Variants in EPB41L3 observed in about 807,000 individuals in gnomAD.
EPB41L3 encodes the protein erythrocyte membrane protein band 4.1 like 3.
Under a neutral mutation model 127.1 loss-of-function variants are expected in EPB41L3, and 57 were observed. The ratio of observed to expected loss-of-function variants is 0.45; its 90% CI spans 0.36 to 0.56. EPB41L3 has a LOEUF of 0.56. EPB41L3 is among the 20% of genes least tolerant of loss of function. EPB41L3 has a pLI of 0.00. For missense variants in EPB41L3, 1,273 were observed against 1,372.2 expected (o/e 0.93, Z 1.14); for synonymous variants, 572 against 549.5 (o/e 1.04, Z -0.57).
intron 3 of EPB41L3, among the ~76,000 whole-genome samples, chr18:5,458,831 T>A (rs1599214867): frequency 1.3e-5 from 2 of 152,298 alleles, no homozygotes; most frequent in East Asian, 3.9e-4. Flanking sequence ...CGTATTTTGC[T>A]TTGAGGTTAT....
At chr18:5,592,844 G>A (rs961530436) in intron 3 of EPB41L3, among the ~76,000 whole-genome samples, 4 of 152,200 alleles carry the variant, frequency 2.6e-5, no homozygotes, top group Non-Finnish European at 5.9e-5. Flanking sequence ...GACAAGTGCT[G>A]TGTTATATCT....
chr18:5,619,431 T>G (rs1357078501), intron 1 of EPB41L3, among the ~76,000 whole-genome samples: 1 of 152,194 alleles, frequency 6.6e-6, no homozygotes, highest in African/African-American at 2.4e-5. Context: ...AGAAATAATT[T>G]TGTGGGTCAG....
intron 11 of EPB41L3, among the ~76,000 whole-genome samples, chr18:5,422,165 C>G (rs1209456545): frequency 6.6e-6 from 1 of 152,052 alleles, no homozygotes; most frequent in African/African-American, 2.4e-5. Context: ...ACCGCAGAGA[C>G]AGAGGGCAGC....
intron 1 of EPB41L3, among the ~76,000 whole-genome samples, chr18:5,536,613 T>G (rs899157438): frequency 2.0e-5 from 3 of 150,848 alleles, no homozygotes; most frequent in Non-Finnish European, 2.9e-5. Context: ...AGACCAGCCT[T>G]GCCAACGTGG....
chr18:5,616,016 G>A (rs1209766360), intron 1 of EPB41L3, among the ~76,000 whole-genome samples: 1 of 151,974 alleles, frequency 6.6e-6, no homozygotes, highest in Non-Finnish European at 1.5e-5. Context: ...GGTTTCCCTG[G>A]ATTTCTCCAG....
In EPB41L3 at chr18:5,416,209, T is replaced by C; in HGVS notation, c.1676A>G (p.Asp559Gly). Residue 559 changes from aspartate (D) to glycine (G), a missense_variant, in exon 13 of 23, where the codon GAT becomes GGT. By Grantham distance (94) the Asp-to-Gly change is moderately conservative (BLOSUM62 -1). This residue lies in a region of EPB41L3 where 765 missense variants were observed against 782.9 expected (regional missense o/e 0.98). Transcript: ENST00000341928. ...CCCTAGGTAAGGCCTCCCTGGGCCA[T>C]CAGAGTCCAAGGCGGGCTCTCCAGG... Reference protein sequence around the residue: ...HLPGEPALDSDGPGRPYLGDQ... With the variant: ...HLPGEPALDSGGPGRPYLGDQ... 6.2e-7 allele frequency: 1 copy of C among 1,614,132 alleles called. No homozygotes were observed. The highest frequency in any genetic ancestry group is 2.2e-5 in the East Asian group (1 of 44,860).
At chr18:5,556,670 G>A (rs1294903977) in intron 3 of EPB41L3, among the ~76,000 whole-genome samples, 1 of 152,168 alleles carries the variant, frequency 6.6e-6, no homozygotes, top group Non-Finnish European at 1.5e-5. Context: ...GAGACAATGA[G>A]TTTTTCTGTC....
chr18:5,523,760 G>A (rs2093098608), intron 1 of EPB41L3, among the ~76,000 whole-genome samples: 1 of 151,990 alleles, frequency 6.6e-6, no homozygotes, highest in Non-Finnish European at 1.5e-5. Context: ...ACTCCAGCCT[G>A]GGCAATAAGA....
intron 3 of EPB41L3, among the ~76,000 whole-genome samples, chr18:5,476,267 GT>G (rs1282025537): frequency 1.3e-5 from 2 of 151,972 alleles, no homozygotes; most frequent in Non-Finnish European, 2.9e-5. Flanking sequence ...ACCAGCAAAA[GT>G]TTTTATATCC....
intron 1 of EPB41L3, among the ~76,000 whole-genome samples, chr18:5,493,946 C>T (rs1568416347): frequency 6.6e-6 from 1 of 152,158 alleles, no homozygotes; most frequent in Non-Finnish European, 1.5e-5. Context: ...CTCTGCATAT[C>T]CCATTTCTCA....
At chr18:5,580,394 G>A (rs1165770154) in intron 3 of EPB41L3, among the ~76,000 whole-genome samples, 2 of 152,036 alleles carry the variant, frequency 1.3e-5, no homozygotes, top group Non-Finnish European at 2.9e-5. Flanking sequence ...CTCATGCCAT[G>A]TGTATAGACA....
intron 3 of EPB41L3, among the ~76,000 whole-genome samples, chr18:5,471,020 TGAG>T (rs1291847493): frequency 1.3e-5 from 2 of 152,130 alleles, no homozygotes; most frequent in Non-Finnish European, 2.9e-5. Context: ...GCCTGGACTC[TGAG>T]GAGTAGAAAG....
intron 1 of EPB41L3, among the ~76,000 whole-genome samples, chr18:5,492,046 G>C (rs771223640): frequency 6.6e-6 from 1 of 152,124 alleles, no homozygotes; most frequent in East Asian, 1.9e-4. Context: ...CTGGCTGGGC[G>C]CAGTGGCTTA....
chr18:5,576,300 T>G (rs1355051774), intron 3 of EPB41L3, among the ~76,000 whole-genome samples: 1 of 152,166 alleles, frequency 6.6e-6, no homozygotes, highest in East Asian at 1.9e-4. Context: ...TTTTTGAAAG[T>G]TAATGTCAGA....
At chr18:5,538,614 T>C (rs73937154) in intron 1 of EPB41L3, among the ~76,000 whole-genome samples, 2,298 of 152,336 alleles carry the variant, frequency 0.015, 69 homozygotes, top group African/African-American at 0.051. Flanking sequence ...TTCCTCTCTT[T>C]AGTTGAATGC....
At chr18:5,595,142 C>T (rs2094524471) in intron 3 of EPB41L3, among the ~76,000 whole-genome samples, 1 of 152,152 alleles carries the variant, frequency 6.6e-6, no homozygotes, top group Non-Finnish European at 1.5e-5. Flanking sequence ...TTATAACTTG[C>T]TCTGTAAAGA....
intron 3 of EPB41L3, among the ~76,000 whole-genome samples, chr18:5,460,096 T>A (rs2083726197): frequency 6.6e-6 from 1 of 152,194 alleles, no homozygotes; most frequent in Non-Finnish European, 1.5e-5. Flanking sequence ...TTGTCCCTAT[T>A]TTTGTGTCCA....
chr18:5,597,197 CCT>C (rs1455124257), intron 3 of EPB41L3, among the ~76,000 whole-genome samples: 2 of 152,212 alleles, frequency 1.3e-5, no homozygotes, highest in Admixed American at 1.3e-4. Context: ...GCCACCAGAC[CCT>C]CCTCAAGTGC....
intron 14 of EPB41L3, among the ~76,000 whole-genome samples, chr18:5,409,788 C>T (rs542849465): frequency 2.7e-5 from 4 of 150,826 alleles, no homozygotes; most frequent in East Asian, 3.9e-4. Context: ...AAAAAGTAGC[C>T]GAATTAACAT....
Sources: gnomAD v4.1 joint callset for allele counts (sites outside exome capture counted in the v4.1 genomes callset) on GRCh38, gnomAD v4.1.1 for gene constraint, gnomAD v4.1.1 regional missense constraint, MANE v1.5 for transcripts, NCBI Gene and HGNC (gene_info 2026-07-23, HGNC 2026-07-21) for gene names.